The following TRIM24 variants were observed in gnomAD, a reference collection of about 807,000 sequenced individuals.
The protein encoded by TRIM24 is tripartite motif containing 24.
TRIM24 carries 29 observed loss-of-function variants against 123.9 expected under a neutral mutation model. The ratio of observed to expected loss-of-function variants is 0.23; its 90% CI spans 0.17 to 0.32. The LOEUF (loss-of-function observed/expected upper bound fraction) is 0.32, where lower values mean the gene tolerates loss of function less well. Among genes scored for constraint, TRIM24 ranks in the 10% least tolerant of loss-of-function variants. The pLI is 1.00. For missense variants in TRIM24, 932 were observed against 1,295.3 expected, an observed-to-expected ratio of 0.72 and a Z score of 4.31; for synonymous variants, 456 against 461.1, an observed-to-expected ratio of 0.99 and a Z score of 0.14.
intron 15 of TRIM24, 78 bp downstream of exon 15, chr7:138,579,610 A>C: frequency 7.8e-7 from 1 of 1,287,152 alleles, no homozygotes; most frequent in South Asian, 1.5e-5. Context: ...CTTTGAAAAA[A>C]CTTAAATGAA....
chr7:138,515,998 A>G (rs952378424), intron 3 of TRIM24, among the ~76,000 whole-genome samples: 3 of 152,148 alleles, frequency 2.0e-5, no homozygotes, highest in Non-Finnish European at 4.4e-5. Context: ...GTACCCTTTA[A>G]GTAATAACTC....
chr7:138,502,587 G>A (rs1796065039), intron 1 of TRIM24, among the ~76,000 whole-genome samples: 3 of 152,132 alleles, frequency 2.0e-5, no homozygotes, highest in Non-Finnish European at 2.9e-5. Flanking sequence ...ATGTGACCAC[G>A]GGCCAGTCGT....
At chr7:138,537,389 T>G (rs899720045) in intron 6 of TRIM24, among the ~76,000 whole-genome samples, 38 of 127,120 alleles carry the variant, frequency 3.0e-4, no homozygotes, top group African/African-American at 4.8e-4. Context: ...GTTTTTTTTT[T>G]TTTTTTTTTT....
At chr7:138,526,566 T>G (rs946769452) in intron 5 of TRIM24, among the ~76,000 whole-genome samples, 1 of 151,794 alleles carries the variant, frequency 6.6e-6, no homozygotes, top group Non-Finnish European at 1.5e-5. Context: ...TGCCCACCAC[T>G]GTGCCCAGCT....
At chr7:138,546,443 G>A (rs1397663749) in intron 7 of TRIM24, among the ~76,000 whole-genome samples, 1 of 152,206 alleles carries the variant, frequency 6.6e-6, no homozygotes, top group Non-Finnish European at 1.5e-5. Flanking sequence ...GCATTTGGAT[G>A]AAGTGTTTAA....
intron 1 of TRIM24, chr7:138,490,960 A>C (rs1208709209): frequency 2.2e-5 from 7 of 312,126 alleles, no homozygotes; most frequent in African/African-American, 1.6e-4. Flanking sequence ...ATACAGAACA[A>C]ATGAAACAAG....
At chr7:138,472,992 T>C (rs1795306346) in intron 1 of TRIM24, among the ~76,000 whole-genome samples, 1 of 152,052 alleles carries the variant, frequency 6.6e-6, no homozygotes, top group Non-Finnish European at 1.5e-5. Context: ...AATAATTCCT[T>C]ATGTTGGCTG....
At position 138,460,712 on chromosome 7, in the gene TRIM24, C is replaced by G. The variant is rs967102532; in HGVS notation, c.164C>G (p.Thr55Ser). The change falls in exon 1 of 19, where the codon ACT becomes AGT. Residue 55 changes from threonine to serine, a missense_variant. Physicochemically the swap from Thr to Ser is moderately conservative, Grantham distance 58. This residue lies in a region of TRIM24 where 164 missense variants were observed against 181.9 expected (regional missense o/e 0.90). Coordinates refer to ENST00000343526, the MANE Select transcript of TRIM24 (RefSeq NM_015905.3). ...GEAARLNLLD[T>S]CAVCHQNIQS... ...GCGGCCCGGCTCAACCTGTTGGACA[C>G]TTGCGCCGTGTGCCACCAGAACATC... The G allele has an allele frequency of 6.4e-7, 1 of 1,570,054 alleles. No homozygotes were observed. The highest frequency in any genetic ancestry group is 1.4e-5 in the African/African-American group (1 of 70,886).
chr7:138,571,707 C>T (rs118099514), intron 11 of TRIM24, among the ~76,000 whole-genome samples: 5,523 of 152,178 alleles, frequency 0.036, 151 homozygotes, highest in Middle Eastern at 0.088. Flanking sequence ...GTCAGTATGA[C>T]TTTTTGTTAT....
intron 1 of TRIM24, among the ~76,000 whole-genome samples, chr7:138,461,485 C>T (rs1794970577): frequency 6.6e-6 from 1 of 152,318 alleles, no homozygotes; most frequent in Non-Finnish European, 1.5e-5. Context: ...TCTCTTCCCT[C>T]TCCTCTGCTG....
intron 1 of TRIM24, among the ~76,000 whole-genome samples, chr7:138,480,838 G>C (rs1414798163): frequency 1.3e-5 from 2 of 151,898 alleles, no homozygotes; most frequent in East Asian, 3.9e-4. Flanking sequence ...AACTTATTGG[G>C]ATCTGAGAAG....
At chr7:138,479,434 G>A (rs1049932027) in intron 1 of TRIM24, among the ~76,000 whole-genome samples, 4 of 151,650 alleles carry the variant, frequency 2.6e-5, no homozygotes, top group African/African-American at 9.7e-5. Context: ...GTGTAGTGGT[G>A]CAATCAGGGA....
chr7:138,512,763 C>T (rs1459513177), intron 2 of TRIM24, among the ~76,000 whole-genome samples: 1 of 152,060 alleles, frequency 6.6e-6, no homozygotes, highest in African/African-American at 2.4e-5. Flanking sequence ...AACAGTGGCT[C>T]CTCAGAATGT....
intron 6 of TRIM24, among the ~76,000 whole-genome samples, chr7:138,535,480 A>T (rs1190605001): frequency 6.6e-6 from 1 of 152,076 alleles, no homozygotes; most frequent in African/African-American, 2.4e-5. Context: ...TATGAAGCTT[A>T]GTTTGGCTAG....
intron 1 of TRIM24, among the ~76,000 whole-genome samples, chr7:138,477,865 G>A (rs1795438305): frequency 6.6e-6 from 1 of 152,084 alleles, no homozygotes; most frequent in Admixed American, 6.6e-5. Context: ...ATACATTTGA[G>A]GGCACAAATG....
At chr7:138,472,875 A>AT (rs927498572) in intron 1 of TRIM24, among the ~76,000 whole-genome samples, 2 of 151,238 alleles carry the variant, frequency 1.3e-5, no homozygotes, top group Non-Finnish European at 1.5e-5. Context: ...TCTTAAAAAA[A>AT]TTTTTTTTTT....
intron 7 of TRIM24, chr7:138,545,455 C>T (rs888298030): frequency 2.0e-5 from 9 of 456,728 alleles, no homozygotes; most frequent in African/African-American, 6.0e-5. Flanking sequence ...TGAAGGTAAT[C>T]GCAGCCAAGT....
At chr7:138,461,563 G>A (rs1381363292) in intron 1 of TRIM24, among the ~76,000 whole-genome samples, 1 of 152,184 alleles carries the variant, frequency 6.6e-6, no homozygotes, top group South Asian at 2.1e-4. Flanking sequence ...TTGAGACGGC[G>A]AAGAGAAATA....
chr7:138,518,742 C>T (rs374969753), intron 3 of TRIM24, among the ~76,000 whole-genome samples: 1 of 152,254 alleles, frequency 6.6e-6, no homozygotes, highest in African/African-American at 2.4e-5. Flanking sequence ...AGCAAGCGAT[C>T]CTCTCAACTC....
Sources: allele counts gnomAD v4.1 joint callset (sites outside exome capture counted in the v4.1 genomes callset), GRCh38; gene constraint gnomAD v4.1.1; regional missense constraint gnomAD v4.1.1; transcripts MANE v1.5; gene names NCBI Gene and HGNC (gene_info 2026-07-23, HGNC 2026-07-21).